Variants in NXN observed in about 807,000 individuals in gnomAD.
The protein encoded by NXN is nucleoredoxin 1.
NXN carries 16 observed loss-of-function variants against 48.6 expected under a neutral mutation model. The ratio of observed to expected loss-of-function variants is 0.33; its 90% CI spans 0.22 to 0.50. NXN has a LOEUF of 0.50. NXN is among the 20% of genes least tolerant of loss of function. NXN has a pLI of 0.98. For missense variants in NXN, 492 were observed against 605.5 expected, an observed-to-expected ratio of 0.81 and a Z score of 1.97; for synonymous variants, 281 against 269.6, an observed-to-expected ratio of 1.04 and a Z score of -0.41.
At position 823,720 on chromosome 17, in the gene NXN, G is replaced by C. The variant is rs372340383; in HGVS notation, c.524C>G (p.Ala175Gly). 5.6e-6 allele frequency: 9 copies of C among 1,614,018 alleles called. No homozygotes were observed. The highest frequency in any genetic ancestry group is 6.8e-6 in the Non-Finnish European group (8 of 1,180,008). ...CCCATTGTTTCTAAGCAAGGGCCCTGCAATGACTTCCCTGAAGGGTTTCGG... is the reference window on the plus strand; with the variant it reads ...CCCATTGTTTCTAAGCAAGGGCCCTCCAATGACTTCCCTGAAGGGTTTCGG... ...WGPKPFREVI[A>G]GPLLRNNGQS... Residue 175 changes from alanine to glycine, a missense_variant, in exon 3 of 8, where the codon GCA (alanine) becomes GGA (glycine). This residue lies in a region of NXN where 303 missense variants were observed against 388.3 expected (regional missense o/e 0.78). Transcript: ENST00000336868.
chr17:832,811 T>C (rs901071888), intron 1 of NXN, among the ~76,000 whole-genome samples: 3 of 152,072 alleles, frequency 2.0e-5, no homozygotes, highest in Non-Finnish European at 4.4e-5. Context: ...TTTTATCCAT[T>C]TACTGTTGGG....
chr17:893,754 GCA>G lies in NXN; in HGVS notation c.361-67678_361-67677del, dbSNP rs1330164857. 6.7e-3 allele frequency among the ~76,000 whole-genome samples: 168 copies of G among 24,972 alleles called. 21 individuals are homozygous for G. The highest frequency in any genetic ancestry group is 0.026 in the South Asian group (9 of 350). 16.4% of individuals were successfully genotyped at this position (24,972 alleles called of 152,430 possible). On this transcript the variant is annotated intron_variant, in intron 1 of 7. Coordinates refer to ENST00000336868, the MANE Select transcript of NXN (RefSeq NM_022463.5). Reference sequence around the variant, plus strand: ...TCTCAACCCCTGGAAGCCAGAGGAAGCATCTCAACTCCCTGGAAGCCAGAGGA... The same window carrying G: ...TCTCAACCCCTGGAAGCCAGAGGAAGTCTCAACTCCCTGGAAGCCAGAGGA...
chr17:902,666 C>T lies in NXN; in HGVS notation c.361-76588G>A, dbSNP rs73975583. Among the ~76,000 whole-genome samples, 238 of 152,232 alleles carry T rather than the reference C, an allele frequency of 1.6e-3. 1 individual carries two copies. The highest frequency in any genetic ancestry group is 4.8e-3 in the African/African-American group (201 of 41,546). On this transcript the variant is annotated intron_variant, in intron 1 of 7. Transcript: ENST00000336868. ...AGGTAAGAGTCACACAGAACAAGCA[C>T]CACGACAGCCCCTCCCATCATCAGC...
intron 5 of NXN, among the ~76,000 whole-genome samples, chr17:815,083 C>T (rs1442809723): frequency 6.6e-6 from 1 of 152,214 alleles, no homozygotes; most frequent in African/African-American, 2.4e-5. Context: ...ACAAATTCAG[C>T]TGAGTCTTCT....
At chr17:927,740 C>T (rs1438594240) in intron 1 of NXN, among the ~76,000 whole-genome samples, 1 of 152,038 alleles carries the variant, frequency 6.6e-6, no homozygotes, top group African/African-American at 2.4e-5. Flanking sequence ...CATAACCAGC[C>T]AGACAGCACT....
rs184336251 is a variant in NXN, at chr17:825,056, A to G, written c.478+905T>C. ...GACCAGCCTGGGCAAGCCTAGGGAG[A>G]CCCCGTCTCTACAAATAATAAAAAA... On this transcript the variant is annotated intron_variant, in intron 2 of 7. Coordinates refer to ENST00000336868, the MANE Select transcript of NXN (RefSeq NM_022463.5). This position sits in a 1 kb window ranked among gnomAD's most constrained non-coding sequence, Gnocchi z 4.1. Among the ~76,000 whole-genome samples the G allele has an allele frequency of 2.7e-4, 41 of 151,994 alleles. No individual in the cohort carries two copies. The East Asian group carries it at 6.8e-3, about 25-fold the overall frequency.
chr17:892,217 C>T (rs976812776), intron 1 of NXN, among the ~76,000 whole-genome samples: 10 of 148,844 alleles, frequency 6.7e-5, no homozygotes, highest in Non-Finnish European at 1.2e-4. Context: ...CCCCACCATG[C>T]ACAGCCCAAC....
Position 849,539 on chromosome 17 carries a change from T to A in NXN, c.361-23461A>T, listed in dbSNP as rs2067901274. Among the ~76,000 whole-genome samples the A allele has an allele frequency of 1.3e-5, 2 of 150,226 alleles. No individual in the cohort carries two copies. The highest frequency in any genetic ancestry group is 4.2e-4 in the South Asian group (2 of 4,802). ...CAGACAAAAAAAAAAGATGGGAGCT[T>A]CCCAACCAGCGTGCTAGGAGCAGGC... On this transcript the variant is annotated intron_variant, in intron 1 of 7. Transcript: ENST00000336868. The surrounding 1 kb of genome is among the most constrained non-coding windows in gnomAD (Gnocchi z 4.2).
At chr17:871,909 C>T (rs1567842493) in intron 1 of NXN, among the ~76,000 whole-genome samples, 2 of 150,806 alleles carry the variant, frequency 1.3e-5, no homozygotes, top group East Asian at 1.9e-4. Context: ...CTGGGAAACT[C>T]GGGGGTGAGG....
At chr17:812,832 G>A (rs570507071) in intron 5 of NXN, among the ~76,000 whole-genome samples, 25 of 150,274 alleles carry the variant, frequency 1.7e-4, no homozygotes, top group African/African-American at 5.9e-4. Context: ...GAGTGTGCAT[G>A]TGTGAGTGTA....
At chr17:823,436 C>A (rs539684501) in intron 3 of NXN, among the ~76,000 whole-genome samples, 196 bp downstream of exon 3, 16 of 151,834 alleles carry the variant, frequency 1.1e-4, no homozygotes, top group Admixed American at 2.0e-4. Context: ...ATAGATCAGT[C>A]AAAGAAGTCA....
At chr17:897,869 T>G (rs8081685) in intron 1 of NXN, among the ~76,000 whole-genome samples, 4 of 151,990 alleles carry the variant, frequency 2.6e-5, no homozygotes, top group South Asian at 2.1e-4. Context: ...TTAGTAGAGA[T>G]GGGGTTTCAC....
In NXN at chr17:830,077, C is replaced by A. The variant is rs1210771851; in HGVS notation, c.361-3999G>T. Reference sequence around the variant, plus strand: ...CCTCCACAATGGTTGAACTAATTGACCCTCCCACCAACAGTGTCAAAGTTG... The same window carrying A: ...CCTCCACAATGGTTGAACTAATTGAACCTCCCACCAACAGTGTCAAAGTTG... On this transcript the variant is annotated intron_variant, in intron 1 of 7. Coordinates refer to ENST00000336868, the MANE Select transcript of NXN (RefSeq NM_022463.5). The surrounding 1 kb of genome is among the most constrained non-coding windows in gnomAD (Gnocchi z 4.2). Among the ~76,000 whole-genome samples the A allele has an allele frequency of 6.6e-6, 1 of 152,182 alleles. No homozygotes were observed. Among genetic ancestry groups the A allele is most frequent in the African/African-American group, 2.4e-5 (1 of 41,450 alleles).
chr17:972,256 G>A (rs1281704311), intron 1 of NXN, among the ~76,000 whole-genome samples: 1 of 150,898 alleles, frequency 6.6e-6, no homozygotes, highest in Non-Finnish European at 1.5e-5. Context: ...GAGCTGAGAT[G>A]GTGTCATTGC....
At position 920,876 on chromosome 17, in the gene NXN, C is replaced by A. The variant is rs1175291548; in HGVS notation, c.360+58443G>T. ...TAGTTGGGATTACAGGCGCCCGCCA[C>A]CATGTCCGGCTAATTTTTGTAATTT... On this transcript the variant is annotated intron_variant, in intron 1 of 7. Coordinates refer to ENST00000336868, the MANE Select transcript of NXN (RefSeq NM_022463.5). The surrounding 1 kb of genome is among the most constrained non-coding windows in gnomAD (Gnocchi z 4.6). Among the ~76,000 whole-genome samples, 3 of 152,070 alleles carry A rather than the reference C, an allele frequency of 2.0e-5. No homozygotes were observed. Among genetic ancestry groups the A allele is most frequent in the Non-Finnish European group, 4.4e-5 (3 of 68,034 alleles).
intron 5 of NXN, among the ~76,000 whole-genome samples, chr17:812,855 T>C (rs901927055): frequency 1.5e-5 from 2 of 134,824 alleles, no homozygotes; most frequent in African/African-American, 5.6e-5. Context: ...TGTGTGCATG[T>C]GTGTAGGTGT....
Position 800,851 on chromosome 17 carries a change from G to A in NXN, c.*98C>T, listed in dbSNP as rs557212395. 5 of 766,412 alleles carry A rather than the reference G, an allele frequency of 6.5e-6. No homozygotes were observed. The highest frequency in any genetic ancestry group is 5.4e-5 in the African/African-American group (3 of 55,420). The allele number at this position is 766,412 out of a possible 1,614,324, so 47.5% of individuals were successfully genotyped here. A position where few individuals can be genotyped will look rare whatever the true frequency, so the allele number is the denominator to read the frequency against. On this transcript the variant is annotated 3_prime_UTR_variant, in exon 8 of 8. Transcript: ENST00000336868. ...AGAGAGGCTGGACACTTGGGTGGTG[G>A]GATTCGGGGCACGCTGGGTAAGTCC... is the stretch of plus-strand genomic sequence containing the variant.
At chr17:819,968 G>A (rs1034934177) in intron 4 of NXN, among the ~76,000 whole-genome samples, 2 of 152,172 alleles carry the variant, frequency 1.3e-5, no homozygotes, top group Non-Finnish European at 2.9e-5. Context: ...GATTCCCCAT[G>A]TAAAAAACCC....
chr17:845,577 C>T (rs2144729525), intron 1 of NXN, among the ~76,000 whole-genome samples: 1 of 152,338 alleles, frequency 6.6e-6, no homozygotes, highest in South Asian at 2.1e-4. Context: ...CATCTTAGAC[C>T]ACTTTGTATC....
Sources: allele counts gnomAD v4.1 joint callset (sites outside exome capture counted in the v4.1 genomes callset), GRCh38; gene constraint gnomAD v4.1.1; regional missense constraint gnomAD v4.1.1; non-coding constraint Gnocchi (gnomAD v3.1); transcripts MANE v1.5; gene names NCBI Gene and HGNC (gene_info 2026-07-23, HGNC 2026-07-21).